Variants in PSD3 observed in about 807,000 individuals in gnomAD.
The protein encoded by PSD3 is pleckstrin and Sec7 domain containing 3.
Under a neutral mutation model 105.5 loss-of-function variants are expected in PSD3, and 49 were observed. That is an observed-to-expected ratio of 0.46 (90% CI 0.37 to 0.59). PSD3 has a LOEUF of 0.59. PSD3 is among the 20% of genes least tolerant of loss of function. The pLI is 0.00. For synonymous variants in PSD3, 557 were observed against 457.8 expected, an observed-to-expected ratio of 1.22 and a Z score of -2.77; for missense variants, 1,561 against 1,263.8, an observed-to-expected ratio of 1.24 and a Z score of -3.57.
chr8:18,722,957 T>C (rs954413318), intron 9 of PSD3, among the ~76,000 whole-genome samples: 4 of 152,250 alleles, frequency 2.6e-5, no homozygotes, highest in African/African-American at 9.6e-5. Flanking sequence ...TTACATGTTA[T>C]CAGTTTTGTT....
At chr8:18,775,003 A>T (rs1807907348) in intron 8 of PSD3, 3 of 455,738 alleles carry the variant, frequency 6.6e-6, no homozygotes, top group African/African-American at 4.0e-5. Flanking sequence ...CCCTTTCTAA[A>T]TCCCCTGTGC....
intron 11 of PSD3, among the ~76,000 whole-genome samples, chr8:18,601,265 T>G (rs1253871721): frequency 6.6e-6 from 1 of 152,316 alleles, no homozygotes; most frequent in Non-Finnish European, 1.5e-5. Context: ...AGCAAAACAG[T>G]TTAGGATTTA....
intron 14 of PSD3, among the ~76,000 whole-genome samples, chr8:18,567,647 T>A (rs191627832): frequency 6.6e-6 from 1 of 152,300 alleles, no homozygotes; most frequent in East Asian, 1.9e-4. Flanking sequence ...AAACCACAGA[T>A]TCTTCCTTCT....
upstream of PSD3, among the ~76,000 whole-genome samples, chr8:19,016,923 G>A (rs1375153361): frequency 6.6e-6 from 1 of 151,964 alleles, no homozygotes; most frequent in African/African-American, 2.4e-5. Context: ...GAGCCCTTAT[G>A]ACCCAATCAC....
At chr8:18,564,284 C>T (rs1426681588) in intron 14 of PSD3, among the ~76,000 whole-genome samples, 1 of 152,000 alleles carries the variant, frequency 6.6e-6, no homozygotes, top group Non-Finnish European at 1.5e-5. Flanking sequence ...AGTGAGTAGA[C>T]CAGTGATCTA....
intron 2 of PSD3, among the ~76,000 whole-genome samples, chr8:18,929,542 T>C (rs965206224): frequency 6.6e-6 from 1 of 152,256 alleles, no homozygotes; most frequent in South Asian, 2.1e-4. Context: ...CACCTGCACT[T>C]GTGCCAGTCC....
chr8:18,825,380 C>T (rs1813091530), intron 4 of PSD3, among the ~76,000 whole-genome samples: 1 of 152,178 alleles, frequency 6.6e-6, no homozygotes, highest in African/African-American at 2.4e-5. Context: ...GTACCACCCC[C>T]AAGAGTCAGA....
At chr8:18,973,315 C>G (rs1011170224) in intron 1 of PSD3, among the ~76,000 whole-genome samples, 1 of 152,206 alleles carries the variant, frequency 6.6e-6, no homozygotes, top group African/African-American at 2.4e-5. Flanking sequence ...TATAACAAGA[C>G]AGAAGACTGA....
chr8:18,935,130 C>T (rs750391822), intron 2 of PSD3, among the ~76,000 whole-genome samples: 14 of 152,178 alleles, frequency 9.2e-5, no homozygotes, highest in African/African-American at 1.4e-4. Context: ...CCTCACCACA[C>T]AGTAAGTAAT....
intron 12 of PSD3, among the ~76,000 whole-genome samples, chr8:18,591,335 A>G (rs1446668797): frequency 2.0e-5 from 3 of 152,228 alleles, no homozygotes; most frequent in East Asian, 3.9e-4. Flanking sequence ...TCTTGGTTCA[A>G]TTGGAATACT....
intron 4 of PSD3, among the ~76,000 whole-genome samples, chr8:18,853,386 C>T (rs1427365581): frequency 1.3e-5 from 2 of 152,102 alleles, no homozygotes; most frequent in Non-Finnish European, 1.5e-5. Context: ...ATTCTTCAAT[C>T]CCAGGCATCT....
At chr8:18,648,713 CCCT>C (rs1387024815) in intron 10 of PSD3, among the ~76,000 whole-genome samples, 1 of 152,130 alleles carries the variant, frequency 6.6e-6, no homozygotes, top group Non-Finnish European at 1.5e-5. Flanking sequence ...TTGCAGCAGC[CCCT>C]CCTATCACAG....
At chr8:18,974,446 T>G (rs1243268413) in intron 1 of PSD3, among the ~76,000 whole-genome samples, 1 of 152,156 alleles carries the variant, frequency 6.6e-6, no homozygotes, top group East Asian at 1.9e-4. Context: ...ATGCAGACAC[T>G]GCCTTTAAGA....
At chr8:18,871,074 G>A (rs752037506) in intron 3 of PSD3, among the ~76,000 whole-genome samples, 4 of 152,130 alleles carry the variant, frequency 2.6e-5, no homozygotes, top group Admixed American at 6.5e-5. Context: ...ACTCCGGCCC[G>A]GGGGACAGAA....
At chr8:18,647,030 C>G (rs550339535) in intron 10 of PSD3, among the ~76,000 whole-genome samples, 1 of 152,262 alleles carries the variant, frequency 6.6e-6, no homozygotes, top group Non-Finnish European at 1.5e-5. Context: ...CCCAAGAATA[C>G]ACACAGAGAT....
intron 11 of PSD3, among the ~76,000 whole-genome samples, chr8:18,618,306 G>A (rs553889442): frequency 2.0e-5 from 3 of 151,102 alleles, no homozygotes; most frequent in Non-Finnish European, 4.4e-5. Flanking sequence ...TATAACTTTG[G>A]TCTCCCAAAA....
Position 18,607,698 on chromosome 8 carries a change from A to AC in PSD3, c.2411-7265_2411-7264insG, listed in dbSNP as rs1218447661. 3.2e-3 allele frequency among the ~76,000 whole-genome samples: 288 copies of AC among 91,048 alleles called. 7 individuals are homozygous for AC. Among genetic ancestry groups the AC allele is most frequent in the African/African-American group, 0.014 (273 of 19,506 alleles). 59.7% of individuals were successfully genotyped at this position (91,048 alleles called of 152,430 possible). ...TCCACTGCTACAAAAAAAAAAAACA[A>AC]AACAAAAAAAAAAAGGAAGTCAGGT... On this transcript the variant is annotated intron_variant, in intron 11 of 15. Transcript: ENST00000327040.
intron 4 of PSD3, chr8:18,808,758 C>T (rs1811421504): frequency 6.2e-7 from 1 of 1,614,084 alleles, no homozygotes; most frequent in Non-Finnish European, 8.5e-7. Flanking sequence ...AACTTACCAG[C>T]AACCATACAG....
At chr8:18,925,906 T>C (rs928048719) in intron 2 of PSD3, among the ~76,000 whole-genome samples, 7 of 152,162 alleles carry the variant, frequency 4.6e-5, no homozygotes, top group Admixed American at 2.0e-4. Flanking sequence ...CTTATCTTTT[T>C]AAAAAAATTT....
Sources: allele counts gnomAD v4.1 joint callset (sites outside exome capture counted in the v4.1 genomes callset), GRCh38; gene constraint gnomAD v4.1.1; transcripts MANE v1.5; gene names NCBI Gene and HGNC (gene_info 2026-07-23, HGNC 2026-07-21).